DIAPH2: variants seen among roughly 807,000 people sequenced by gnomAD.
DIAPH2 encodes the protein diaphanous related formin 2.
Under a neutral mutation model 92.7 loss-of-function variants are expected in DIAPH2, and 35 were observed. That is an observed-to-expected ratio of 0.38 (90% CI 0.29 to 0.50). The LOEUF is 0.50. DIAPH2 is among the 20% of genes least tolerant of loss of function. The probability of loss-of-function intolerance (pLI) is 0.94; values close to 1 mark genes in which losing one functional copy is unlikely to be tolerated. For synonymous variants in DIAPH2, 301 were observed against 280.4 expected, an observed-to-expected ratio of 1.07 and a Z score of -0.73; for missense variants, 701 against 819.5, an observed-to-expected ratio of 0.86 and a Z score of 1.77.
At chrX:97,185,472 CACATAT>C (rs1301833245) in intron 22 of DIAPH2, among the ~76,000 whole-genome samples, 3 of 7,179 alleles carry the variant, frequency 4.2e-4, no homozygotes, top group Non-Finnish European at 6.7e-4. Context: ...TATATATATA[CACATAT>C]ATATATATAT....
At chrX:97,093,415 G>A (rs2147355747) in intron 19 of DIAPH2, among the ~76,000 whole-genome samples, 1 of 111,126 alleles carries the variant, frequency 9.0e-6, no homozygotes, top group Non-Finnish European at 1.9e-5. Flanking sequence ...TGGAGTTGGG[G>A]AATTGGGGTT....
chrX:97,223,903 A>AC (rs2067945432), intron 22 of DIAPH2, among the ~76,000 whole-genome samples: 1 of 111,455 alleles, frequency 9.0e-6, no homozygotes, highest in Non-Finnish European at 1.9e-5. Context: ...GTTATTGTTT[A>AC]CTGTTTTTTT....
intron 26 of DIAPH2, among the ~76,000 whole-genome samples, chrX:97,593,078 T>C (rs185333576): frequency 8.9e-6 from 1 of 111,889 alleles, no homozygotes; most frequent in Non-Finnish European, 1.9e-5. Flanking sequence ...ATTGGGTTTG[T>C]TTATCTAGCT....
intron 23 of DIAPH2, among the ~76,000 whole-genome samples, chrX:97,336,492 GC>G (rs1186808184): frequency 9.2e-6 from 1 of 109,010 alleles, no homozygotes; most frequent in Non-Finnish European, 1.9e-5. Flanking sequence ...CTCGTGATCC[GC>G]CCGCCTCGGC....
rs1262954533 is a variant in DIAPH2 at position 96,884,682 on chromosome X, T to C, written c.587+2964T>C. On this transcript the variant is annotated intron_variant, in intron 5 of 26. Coordinates refer to ENST00000324765, the MANE Select transcript of DIAPH2 (RefSeq NM_006729.5). ...TGACTCCATTGTCAGTCGGAGTATATGTCAAAGTGTTTGGTATCCTCAAAT... is the reference window on the plus strand; with the variant it reads ...TGACTCCATTGTCAGTCGGAGTATACGTCAAAGTGTTTGGTATCCTCAAAT... 29 of 1,208,159 alleles carry C rather than the reference T, an allele frequency of 2.4e-5. No individual in the cohort carries two copies. Among genetic ancestry groups the C allele is most frequent in the Middle Eastern group, 2.3e-4 (1 of 4,372 alleles).
Position 97,017,445 on chromosome X carries a change from TG to T in DIAPH2, c.2050+52242del, listed in dbSNP as rs781082586. 9.8e-5 allele frequency among the ~76,000 whole-genome samples: 11 copies of T among 111,735 alleles called. No individual in the cohort carries two copies. In the East Asian group the frequency reaches 3.1e-3, roughly 31 times the overall value. On this transcript the variant is annotated intron_variant, in intron 17 of 26. Coordinates refer to ENST00000324765, the MANE Select transcript of DIAPH2 (RefSeq NM_006729.5). ...AACATGAATTCACATATGCATTGAA[TG>T]GGGAGGAAGAGTTAGGAAGTGACCC...
intron 23 of DIAPH2, among the ~76,000 whole-genome samples, chrX:97,316,482 A>C (rs2068840789): frequency 1.4e-5 from 1 of 69,333 alleles, no homozygotes; most frequent in Admixed American, 2.0e-4. Context: ...TCTACTAAAA[A>C]TACAAAAAAA....
chrX:97,363,838 T>C (rs2069352912), intron 24 of DIAPH2, among the ~76,000 whole-genome samples: 1 of 110,918 alleles, frequency 9.0e-6, no homozygotes, highest in Admixed American at 9.7e-5. Context: ...GCAAAGCATG[T>C]AGTGAAGTAA....
At chrX:97,117,434 T>C (rs941566955) in intron 21 of DIAPH2, among the ~76,000 whole-genome samples, 1 of 112,069 alleles carries the variant, frequency 8.9e-6, no homozygotes, top group Non-Finnish European at 1.9e-5. Context: ...TTCTTAGTGA[T>C]TGCCTTCTTA....
chrX:97,527,092 C>T (rs1020092590), intron 26 of DIAPH2, among the ~76,000 whole-genome samples: 3 of 111,734 alleles, frequency 2.7e-5, no homozygotes, highest in African/African-American at 6.5e-5. Flanking sequence ...CCACTGCAAG[C>T]GAAAGAAAAA....
At chrX:97,018,109 T>A (rs1350114260) in intron 17 of DIAPH2, among the ~76,000 whole-genome samples, 1 of 112,390 alleles carries the variant, frequency 8.9e-6, no homozygotes, top group Admixed American at 9.4e-5. Context: ...AGACCAGATC[T>A]GGAGGAGGCT....
At chrX:97,030,719 G>T (rs926811974) in intron 17 of DIAPH2, among the ~76,000 whole-genome samples, 1 of 111,591 alleles carries the variant, frequency 9.0e-6, no homozygotes, top group Non-Finnish European at 1.9e-5. Flanking sequence ...CTCTGACTCA[G>T]ATATAGTGTA....
At chrX:96,935,152 T>C (rs775098577) in intron 10 of DIAPH2, among the ~76,000 whole-genome samples, 86 of 112,142 alleles carry the variant, frequency 7.7e-4, no homozygotes, top group African/African-American at 2.7e-3. Context: ...TGTGTTTCAG[T>C]AACTTTGTGA....
intron 17 of DIAPH2, among the ~76,000 whole-genome samples, chrX:97,028,637 A>G (rs1427904057): frequency 8.9e-6 from 1 of 111,982 alleles, no homozygotes; most frequent in African/African-American, 3.2e-5. Flanking sequence ...TCAATACTTC[A>G]TTCCTTTTTA....
At chrX:97,148,530 A>G (rs979339280) in intron 22 of DIAPH2, among the ~76,000 whole-genome samples, 3 of 110,503 alleles carry the variant, frequency 2.7e-5, no homozygotes, top group African/African-American at 9.9e-5. Flanking sequence ...TCTTAGTAAC[A>G]AAGACTGTAT....
intron 24 of DIAPH2, among the ~76,000 whole-genome samples, chrX:97,350,035 C>T (rs192098686): frequency 2.1e-3 from 229 of 110,971 alleles, no homozygotes; most frequent in African/African-American, 7.0e-3. Context: ...TGTGGCTAGG[C>T]GCGGTGGCTC....
chrX:96,852,988 A>G (rs972148784), intron 4 of DIAPH2, among the ~76,000 whole-genome samples: 1 of 111,643 alleles, frequency 9.0e-6, no homozygotes, highest in Admixed American at 9.6e-5. Flanking sequence ...TATTATCCCT[A>G]ATTAATATCT....
At chrX:96,817,043 A>T (rs1350883429) in intron 4 of DIAPH2, among the ~76,000 whole-genome samples, 1 of 111,378 alleles carries the variant, frequency 9.0e-6, no homozygotes, top group African/African-American at 3.3e-5. Context: ...GGACTCAAGG[A>T]TATGGAGAAT....
Position 96,699,060 on chromosome X carries a change from CCAT to C in DIAPH2, c.132+13871_132+13873del, listed in dbSNP as rs760681338. 2.3e-4 allele frequency among the ~76,000 whole-genome samples: 26 copies of C among 111,043 alleles called. No individual in the cohort carries two copies. The South Asian group carries it at 1.0e-2, about 43-fold the overall frequency. ...TACCAATGTTAATGAGCTAATATTT[CCAT>C]ATTGGTTCTGTTCATACAACTGTGT... On this transcript the variant is annotated intron_variant, in intron 1 of 26. Coordinates refer to ENST00000324765, the MANE Select transcript of DIAPH2 (RefSeq NM_006729.5).
Sources: allele counts gnomAD v4.1 joint callset (sites outside exome capture counted in the v4.1 genomes callset), GRCh38; gene constraint gnomAD v4.1.1; transcripts MANE v1.5; gene names NCBI Gene and HGNC (gene_info 2026-07-23, HGNC 2026-07-21).